The following LILRB2 variants were observed in gnomAD, a reference collection of about 807,000 sequenced individuals.
LILRB2 encodes leukocyte immunoglobulin like receptor B2, also known as leukocyte immunoglobulin-like receptor subfamily B member 2.
In LILRB2, 47 loss-of-function variants were observed where a neutral mutation model predicts 72.7. That is an observed-to-expected ratio of 0.65 (90% CI 0.51 to 0.82). LILRB2 has a LOEUF of 0.82. Ranked by LOEUF, LILRB2 falls within the 40% of genes least tolerant of loss-of-function variation. The probability of loss-of-function intolerance (pLI) is 0.00; values close to 1 mark genes in which losing one functional copy is unlikely to be tolerated. For missense variants in LILRB2, 767 were observed against 764.8 expected (o/e 1.00, Z -0.03); for synonymous variants, 279 against 313.7 (o/e 0.89, Z 1.17).
Position 54,274,384 on chromosome 19 carries a change from T to G in LILRB2, c.*299A>C. ...GGTTTGTACTTTTTCAATTTCATTG[T>G]GTGATGTGTAATATTTATATTGTGA... On this transcript the variant is annotated 3_prime_UTR_variant, in exon 14 of 14. Coordinates refer to ENST00000314446, the MANE Select transcript of LILRB2 (RefSeq NM_001080978.4). 1 of 351,660 alleles carries G rather than the reference T, an allele frequency of 2.8e-6. No homozygotes were observed. Among genetic ancestry groups the G allele is most frequent in the Non-Finnish European group, 5.0e-6 (1 of 198,256 alleles). The allele number at this position is 351,660 out of a possible 1,614,324, so 21.8% of individuals were successfully genotyped here. A position where few individuals can be genotyped will look rare whatever the true frequency, so the allele number is the denominator to read the frequency against.
chr19:54,278,196 C>G, intron 7 of LILRB2, 64 bp downstream of exon 7: 2 of 1,594,270 alleles, frequency 1.3e-6, no homozygotes, highest in Admixed American at 1.7e-5. Flanking sequence ...GCCCAGAGCT[C>G]TCCTGGGGGG....
intron 9 of LILRB2, 145 bp from the exon 10 acceptor site, chr19:54,277,074 C>T (rs2080267353): frequency 7.3e-6 from 11 of 1,514,746 alleles, no homozygotes; most frequent in Middle Eastern, 1.8e-4. Context: ...ACCCACTCTA[C>T]AGATGAAAAA....
In LILRB2 at chr19:54,279,566, G is replaced by A; in HGVS notation, c.437C>T (p.Ser146Leu). ...AATGAAGCCGCCAAATGCCACCTGT[G>A]ACTCACACTGGAGGGTCACCCTTCC... ...SGGRVTLQCESQVAFGGFILC... is the reference protein window; with the variant it reads ...SGGRVTLQCELQVAFGGFILC... Residue 146 changes from serine to leucine, a missense_variant, in exon 5 of 14, where the codon TCA becomes TTA. By Grantham distance (145) the Ser-to-Leu change is moderately radical. Around this residue, in one of 3 missense-constraint regions of LILRB2, gnomAD observed 599 missense variants for 568.2 expected, o/e 1.05. Transcript: ENST00000314446. 1 of 1,614,142 alleles carries A rather than the reference G, an allele frequency of 6.2e-7. No homozygotes were observed. The highest frequency in any genetic ancestry group is 1.1e-5 in the South Asian group (1 of 91,078).
intron 12 of LILRB2, 44 bp from the exon 13 acceptor site, chr19:54,276,047 T>G: frequency 6.2e-7 from 1 of 1,607,766 alleles, no homozygotes; most frequent in African/African-American, 1.3e-5. Flanking sequence ...GAAGGTTCCC[T>G]GGGACCTCTG....
rs1209473576 is a variant in LILRB2, at chr19:54,276,224, C to A, written c.1594+40G>T. The stretch of plus-strand genomic sequence containing the variant: ...CATTGCTACGGAAACTTCGGGGCCC[C>A]TATCTCCCTCCTGGCTGGTCACCTC... On this transcript the variant is annotated intron_variant, in intron 12 of 13. Transcript: ENST00000314446. 3.1e-6 allele frequency: 5 copies of A among 1,613,200 alleles called. No homozygotes were observed. In the South Asian group the frequency reaches 4.4e-5, roughly 14 times the overall value.
intron 7 of LILRB2, 89 bp from the exon 8 acceptor site, chr19:54,278,028 C>T: frequency 6.1e-6 from 7 of 1,150,496 alleles, no homozygotes; most frequent in Non-Finnish European, 7.3e-6. Context: ...GGCCCTGTGG[C>T]CTCCCCAGGC....
At chr19:54,280,832 A>C in intron 1 of LILRB2, 129 bp downstream of exon 1, 1 of 675,824 alleles carries the variant, frequency 1.5e-6, no homozygotes, top group Non-Finnish European at 2.6e-6. Context: ...AGCAAATAGA[A>C]CTGGTGCTTC....
intron 7 of LILRB2, 62 bp downstream of exon 7, chr19:54,278,198 C>G (rs774769282): frequency 1.9e-6 from 3 of 1,595,116 alleles, no homozygotes; most frequent in Non-Finnish European, 2.6e-6. Context: ...CCAGAGCTCT[C>G]CTGGGGGGCA....
At chr19:54,276,553 C>T in intron 10 of LILRB2, 97 bp from the exon 11 acceptor site, 1 of 1,386,194 alleles carries the variant, frequency 7.2e-7, no homozygotes, top group Non-Finnish European at 9.8e-7. Flanking sequence ...TAAAAACACT[C>T]CTGCCTCCAT....
In LILRB2 at chr19:54,276,291, C is replaced by G. The variant is rs1374563106; in HGVS notation, c.1567G>C (p.Ala523Pro). 1 of 1,613,978 alleles carries G rather than the reference C, an allele frequency of 6.2e-7. No individual in the cohort carries two copies. Among genetic ancestry groups the G allele is most frequent in the Non-Finnish European group, 8.5e-7 (1 of 1,180,038 alleles). ...DRGLQWRSSPAADAQEENLYA... is the reference protein window; with the variant it reads ...DRGLQWRSSPPADAQEENLYA... ...AGGTTTTCTTCCTGGGCGTCGGCAG[C>G]TGGGCTGGACCTGGGGGAGGAATGG... Residue 523 changes from alanine (A) to proline (P), a missense_variant, in exon 12 of 14, where the codon GCT becomes CCT. This residue lies in a region of LILRB2 where 162 missense variants were observed against 176.7 expected (regional missense o/e 0.92). Transcript: ENST00000314446.
At position 54,279,832 on chromosome 19, in the gene LILRB2, C is replaced by T. The variant is rs767155983; in HGVS notation, c.314G>A (p.Arg105Gln). 37 of 1,614,134 alleles carry T rather than the reference C, an allele frequency of 2.3e-5. No homozygotes were observed. The highest frequency in any genetic ancestry group is 9.9e-5 in the South Asian group (9 of 91,086). The change falls in exon 4 of 14, where the codon CGG becomes CAG. Residue 105 changes from arginine to glutamine, a missense_variant. This residue lies in a region of LILRB2 where 599 missense variants were observed against 568.2 expected (regional missense o/e 1.05). Transcript: ENST00000314446. ...RYGCQYYSRA[R>Q]WSELSDPLVL... The stretch of plus-strand genomic sequence containing the variant: ...CAGGGGGTCACTGAGCTCAGACCAC[C>T]GAGCGCGGCTGTAATACTGACAGCC...
chr19:54,277,039 C>G, intron 9 of LILRB2, 110 bp from the exon 10 acceptor site: 2 of 1,521,562 alleles, frequency 1.3e-6, no homozygotes, highest in Non-Finnish European at 1.8e-6. Context: ...CCACAACAGT[C>G]GTGCAGCACA....
rs779615481 is a variant in LILRB2, at chr19:54,276,275, T to C, written c.1583A>G (p.Glu528Gly). Residue 528 changes from glutamate to glycine, a missense_variant, in exon 12 of 14, where the codon GAA (glutamate) becomes GGA (glycine). Glu to Gly is a moderately conservative substitution (Grantham distance 98). Around this residue, in one of 3 missense-constraint regions of LILRB2, gnomAD observed 162 missense variants for 176.7 expected, o/e 0.92. Coordinates refer to ENST00000314446, the MANE Select transcript of LILRB2 (RefSeq NM_001080978.4). Reference sequence around the variant, plus strand: ...TTCCTCTCACTCACAGAGGTTTTCTTCCTGGGCGTCGGCAGCTGGGCTGGA... The same window carrying C: ...TTCCTCTCACTCACAGAGGTTTTCTCCCTGGGCGTCGGCAGCTGGGCTGGA... ...WRSSPAADAQEENLYAAVKDT... is the reference protein window; with the variant it reads ...WRSSPAADAQGENLYAAVKDT... 8 of 1,613,686 alleles carry C rather than the reference T, an allele frequency of 5.0e-6. No individual in the cohort carries two copies. The highest frequency in any genetic ancestry group is 6.8e-6 in the Non-Finnish European group (8 of 1,179,880).
At position 54,280,020 on chromosome 19, in the gene LILRB2, C is replaced by G. The variant is rs1321451925; in HGVS notation, c.126G>C (p.Gly42=). 91 of 1,614,106 alleles carry G rather than the reference C, an allele frequency of 5.6e-5. No homozygotes were observed. The highest frequency in any genetic ancestry group is 7.6e-5 in the Non-Finnish European group (90 of 1,179,998). Residue 42 remains glycine, a synonymous_variant, in exon 4 of 14, where the codon GGG becomes GGC. Transcript: ENST00000314446. ...CCTGACAACTGAGGGTGACGGGACT[C>G]CCCTGGGTGATCACAGAGTCTGGCT... ...WAEPDSVITQ[G]SPVTLSCQGS...
chr19:54,278,501 C>T lies in LILRB2; in HGVS notation c.1017G>A (p.Glu339=), dbSNP rs754095997. 2.5e-6 allele frequency: 4 copies of T among 1,614,256 alleles called. No homozygotes were observed. In the East Asian group the frequency reaches 8.9e-5, roughly 36 times the overall value. ...VQPGPTVASG[E]NVTLLCQSWR... is the part of the protein sequence containing the mutation. ...ATGACTGACACAGCAGGGTCACGTT[C>T]TCTCCTGAGGCCACTGTGGGGCCTG... The change falls in exon 7 of 14, where the codon GAG becomes GAA. Residue 339 remains glutamate (E), a synonymous_variant. Coordinates refer to ENST00000314446, the MANE Select transcript of LILRB2 (RefSeq NM_001080978.4).
intron 13 of LILRB2, chr19:54,275,542 A>T: frequency 1.9e-6 from 1 of 513,792 alleles, no homozygotes; most frequent in African/African-American, 1.9e-5. Flanking sequence ...CCATGAGGTG[A>T]GCTCAGGAGG....
At chr19:54,280,847 G>A (rs2080515297) in intron 1 of LILRB2, 114 bp downstream of exon 1, 8 of 431,330 alleles carry the variant, frequency 1.9e-5, no homozygotes, top group African/African-American at 6.2e-5. Flanking sequence ...TGCTTCTTGT[G>A]TCTGCCCTTC....
chr19:54,279,804 C>T lies in LILRB2; in HGVS notation c.342G>A (p.Val114=). 1.2e-6 allele frequency: 2 copies of T among 1,614,092 alleles called. No individual in the cohort carries two copies. Among genetic ancestry groups the T allele is most frequent in the Non-Finnish European group, 1.7e-6 (2 of 1,179,990 alleles). ...ARWSELSDPL[V]LVMTGAYPKP... ...GTGTCCTCTCACCTGTCATCACCAG[C>T]ACCAGGGGGTCACTGAGCTCAGACC... Residue 114 remains valine, a synonymous_variant, in exon 4 of 14, where the codon GTG becomes GTA. Transcript: ENST00000314446.
intron 3 of LILRB2, 53 bp downstream of exon 3, chr19:54,280,211 C>A (rs1430110251): frequency 1.2e-6 from 2 of 1,613,282 alleles, no homozygotes; most frequent in African/African-American, 2.7e-5. Context: ...ACGGAGGTGG[C>A]CCCTTGTCCC....
Sources: gnomAD v4.1 joint callset for allele counts on GRCh38, gnomAD v4.1.1 for gene constraint, gnomAD v4.1.1 regional missense constraint, MANE v1.5 for transcripts, NCBI Gene and HGNC (gene_info 2026-07-23, HGNC 2026-07-21) for gene names.